TCF25: variants seen among roughly 807,000 people sequenced by gnomAD.
The protein encoded by TCF25 is TCF25 ribosome quality control complex subunit.
In TCF25, 41 loss-of-function variants were observed where a neutral mutation model predicts 83.1. The observed-to-expected ratio is 0.49, with a 90% CI of 0.38 to 0.64. The LOEUF is 0.64. Ranked by LOEUF, TCF25 falls within the 30% of genes least tolerant of loss-of-function variation. TCF25 has a pLI of 0.00. For missense variants in TCF25, 979 were observed against 914.5 expected (o/e 1.07, Z -0.91); for synonymous variants, 458 against 365.0 (o/e 1.25, Z -2.90).
rs558893273 is a variant in TCF25, at chr16:89,909,201, C to T, written c.1800-1390C>T. ...CCAGCCTGGCCAACATGGCAAACCC[C>T]GTCTCAACTAAAAATACAAAACTTA... On this transcript the variant is annotated intron_variant, in intron 16 of 17. Coordinates refer to ENST00000263346, the MANE Select transcript of TCF25 (RefSeq NM_014972.3). 1.1e-4 allele frequency: 131 copies of T among 1,222,162 alleles called. No homozygotes were observed. In the African/African-American group the frequency reaches 1.8e-3, roughly 17 times the overall value. The allele number at this position is 1,222,162 out of a possible 1,614,324, so 75.7% of individuals were successfully genotyped here.
intron 1 of TCF25, among the ~76,000 whole-genome samples, chr16:89,874,233 G>T (rs1241759527): frequency 6.6e-6 from 1 of 152,118 alleles, no homozygotes; most frequent in Non-Finnish European, 1.5e-5. Flanking sequence ...CGCGGGGCCG[G>T]GCCACGACGT....
At chr16:89,895,560 ATCAGAACG>A (rs1275444348) in intron 8 of TCF25, among the ~76,000 whole-genome samples, 1 of 152,220 alleles carries the variant, frequency 6.6e-6, no homozygotes, top group African/African-American at 2.4e-5. Context: ...TGTAGCGTCG[ATCAGAACG>A]TCGTTCGTTT....
chr16:89,898,488 C>A, intron 9 of TCF25, 69 bp from the exon 10 acceptor site: 1 of 1,525,162 alleles, frequency 6.6e-7, no homozygotes, highest in Non-Finnish European at 9.0e-7. Context: ...TGGGTGCTGG[C>A]CGGGGCGCTG....
At position 89,895,024 on chromosome 16, in the gene TCF25, C is replaced by T. The variant is rs2043742333; in HGVS notation, c.829-14C>T. ...TGAGTGCCTTTCCTCCAGGGCTGTC[C>T]TCCCTTCTGGTAGGTTCTGCTCCAG... is the stretch of plus-strand genomic sequence containing the variant. On this transcript the variant is annotated splice_polypyrimidine_tract_variant and intron_variant, in intron 7 of 17. Coordinates refer to ENST00000263346, the MANE Select transcript of TCF25 (RefSeq NM_014972.3). 2.5e-6 allele frequency: 4 copies of T among 1,610,740 alleles called. No individual in the cohort carries two copies. Among genetic ancestry groups the T allele is most frequent in the Non-Finnish European group, 2.5e-6 (3 of 1,177,834 alleles).
intron 1 of TCF25, 106 bp downstream of exon 1, chr16:89,873,965 G>A (rs895850934): frequency 1.6e-6 from 2 of 1,274,576 alleles, no homozygotes; most frequent in Non-Finnish European, 2.0e-6. Context: ...CCAGGGGTGG[G>A]AAGGGTGACG....
Position 89,907,311 on chromosome 16 carries a change from C to G in TCF25, c.1788C>G (p.Val596=), listed in dbSNP as rs2044875845. 6.3e-7 allele frequency: 1 copy of G among 1,597,260 alleles called. No individual in the cohort carries two copies. The highest frequency in any genetic ancestry group is 8.5e-7 in the Non-Finnish European group (1 of 1,171,570). Residue 596 remains valine, a synonymous_variant, in exon 16 of 18, where the codon GTC becomes GTG. Coordinates refer to ENST00000263346, the MANE Select transcript of TCF25 (RefSeq NM_014972.3). ...LPPSDTIYSY[V]RPERLSPISH... is the part of the protein sequence containing the mutation. ...CTTCGGACACAATCTACTCCTACGT[C>G]AGGCCAGAGAGGTACCTCCCTCCTT...
chr16:89,876,750 C>A (rs1050631047), intron 1 of TCF25, among the ~76,000 whole-genome samples: 2 of 151,980 alleles, frequency 1.3e-5, no homozygotes, highest in African/African-American at 4.8e-5. Flanking sequence ...CACGGTGAAA[C>A]CCCGCCTCTA....
chr16:89,892,150 C>T (rs1474208019), intron 5 of TCF25, 43 bp from the exon 6 acceptor site: 14 of 1,541,406 alleles, frequency 9.1e-6, no homozygotes, highest in Admixed American at 7.9e-5. Context: ...GGTCCCCACA[C>T]GCCACAGGAA....
rs757476210 is a variant in TCF25 at position 89,906,266 on chromosome 16, C to A, written c.1701C>A (p.Ala567=). 35 of 1,613,078 alleles carry A rather than the reference C, an allele frequency of 2.2e-5. No homozygotes were observed. Among genetic ancestry groups the A allele is most frequent in the Non-Finnish European group, 2.8e-5 (33 of 1,179,966 alleles). ...RHVILSEIKE[A]VAALPPDVTT... ...TGATCCTCTCTGAGATCAAGGAAGC[C>A]GTCGCTGCCCTGCCCCCGGTAAGGG... The change falls in exon 15 of 18, where the codon GCC becomes GCA. Residue 567 remains alanine, a synonymous_variant. Coordinates refer to ENST00000263346, the MANE Select transcript of TCF25 (RefSeq NM_014972.3).
At position 89,873,644 on chromosome 16, in the gene TCF25, C is replaced by CT; in HGVS notation, c.-24_-23insT. 1 of 1,542,932 alleles carries CT rather than the reference C, an allele frequency of 6.5e-7. No homozygotes were observed. The highest frequency in any genetic ancestry group is 8.7e-7 in the Non-Finnish European group (1 of 1,150,600). On this transcript the variant is annotated 5_prime_UTR_variant, in exon 1 of 18. Transcript: ENST00000263346. ...TTCTGCGCTTCCTTCTCCCTCTCTC[C>CT]AGACGTCGTGGTCGTTCGGTCCTAT...
At chr16:89,878,534 G>C in intron 1 of TCF25, 1 of 1,234,352 alleles carries the variant, frequency 8.1e-7, no homozygotes, top group East Asian at 6.0e-5. Flanking sequence ...AATGCTGATC[G>C]AGCTTTATCC....
In TCF25 at chr16:89,873,679, G is replaced by C; in HGVS notation, c.12G>C (p.Arg4=). 6.3e-7 allele frequency: 1 copy of C among 1,598,424 alleles called. No homozygotes were observed. Among genetic ancestry groups the C allele is most frequent in the South Asian group, 1.1e-5 (1 of 89,556 alleles). ...GGTCGTTCGGTCCTATGTCGCGCCG[G>C]GCCCTCCGGAGGCTGAGGGGGGAAC... MSR[R]ALRRLRGEQR... is the part of the protein sequence containing the mutation. The change falls in exon 1 of 18, where the codon CGG becomes CGC. Residue 4 remains arginine, a synonymous_variant. Transcript: ENST00000263346.
chr16:89,895,294 T>A (rs1290484826), intron 8 of TCF25, among the ~76,000 whole-genome samples, 157 bp downstream of exon 8: 1 of 152,116 alleles, frequency 6.6e-6, no homozygotes, highest in Admixed American at 6.5e-5. Context: ...CATTTAAAGT[T>A]TTTGTTTGTT....
chr16:89,898,831 C>G lies in TCF25; in HGVS notation c.1180C>G (p.Arg394Gly), dbSNP rs1177818524. Residue 394 changes from arginine to glycine, a missense_variant, in exon 11 of 18, where the codon CGG becomes GGG. By Grantham distance (125) the Arg-to-Gly change is moderately radical (BLOSUM62 -2). Coordinates refer to ENST00000263346, the MANE Select transcript of TCF25 (RefSeq NM_014972.3). ...LLIDHLALRARNYEYLIRLFQ... is the reference protein window; with the variant it reads ...LLIDHLALRAGNYEYLIRLFQ... ...CATCGACCACCTGGCCTTGCGGGCC[C>G]GGAACTACGAGTACCTGATCCGCCT... is the stretch of plus-strand genomic sequence containing the variant. 5 of 1,613,738 alleles carry G rather than the reference C, an allele frequency of 3.1e-6. No homozygotes were observed. The highest frequency in any genetic ancestry group is 4.2e-6 in the Non-Finnish European group (5 of 1,180,050).
At chr16:89,892,940 C>T (rs1055727418) in intron 6 of TCF25, among the ~76,000 whole-genome samples, 1 of 152,232 alleles carries the variant, frequency 6.6e-6, no homozygotes, top group South Asian at 2.1e-4. Flanking sequence ...GCTTCTCCTG[C>T]GCCTGTGTCT....
At position 89,904,929 on chromosome 16, in the gene TCF25, C is replaced by A; in HGVS notation, c.1470-9C>A. ...AGGGGTTCTGCTCAGAGCCCTTGCT[C>A]TCCCCCAGCCAGCCCCCTGCCCTGA... On this transcript the variant is annotated splice_polypyrimidine_tract_variant and intron_variant, in intron 13 of 17. Coordinates refer to ENST00000263346, the MANE Select transcript of TCF25 (RefSeq NM_014972.3). 1 of 1,600,222 alleles carries A rather than the reference C, an allele frequency of 6.2e-7. No individual in the cohort carries two copies. The highest frequency in any genetic ancestry group is 2.3e-5 in the East Asian group (1 of 44,108).
chr16:89,880,453 A>C (rs1289006401), intron 1 of TCF25, among the ~76,000 whole-genome samples: 1 of 152,188 alleles, frequency 6.6e-6, no homozygotes, highest in Non-Finnish European at 1.5e-5. Context: ...GCATGGCGGC[A>C]CATGCCTGTA....
intron 16 of TCF25, chr16:89,909,386 C>T (rs2045348943): frequency 3.4e-6 from 1 of 294,646 alleles, no homozygotes; most frequent in African/African-American, 2.2e-5. Context: ...TGCCGCACAC[C>T]TGTAGTCCCA....
At chr16:89,884,681 C>T in intron 3 of TCF25, 25 bp downstream of exon 3, 1 of 1,605,360 alleles carries the variant, frequency 6.2e-7, no homozygotes, top group Admixed American at 1.7e-5. Flanking sequence ...CCTGGCTGTG[C>T]TCTGTCCCTC....
Sources: gnomAD v4.1 joint callset for allele counts (sites outside exome capture counted in the v4.1 genomes callset) on GRCh38, gnomAD v4.1.1 for gene constraint, MANE v1.5 for transcripts, NCBI Gene and HGNC (gene_info 2026-07-23, HGNC 2026-07-21) for gene names.